NALF1: variants seen among roughly 807,000 people sequenced by gnomAD.
NALF1 encodes NALCN channel auxiliary factor 1, also known as family with sequence similarity 155 member A.
NALF1 carries 3 observed loss-of-function variants against 48.4 expected under a neutral mutation model. The observed-to-expected ratio is 0.06, with a 90% CI of 0.03 to 0.16. The LOEUF (loss-of-function observed/expected upper bound fraction) is 0.16, where lower values mean the gene tolerates loss of function less well. Among genes scored for constraint, NALF1 ranks in the 10% least tolerant of loss-of-function variants. The pLI, the probability that NALF1 is intolerant of heterozygous loss-of-function variation, is 1.00. For missense variants in NALF1, 526 were observed against 571.5 expected (o/e 0.92, Z 0.81); for synonymous variants, 262 against 245.7 (o/e 1.07, Z -0.62).
intron 1 of NALF1, among the ~76,000 whole-genome samples, chr13:107,458,953 T>C (rs9520450): frequency 0.54 from 81,806 of 151,612 alleles, 25,246 homozygotes; most frequent in Middle Eastern, 0.73. Flanking sequence ...AGTAAGATCT[T>C]GCCTGAGAGA....
At chr13:107,431,370 T>G (rs1304212229) in intron 1 of NALF1, among the ~76,000 whole-genome samples, 1 of 152,122 alleles carries the variant, frequency 6.6e-6, no homozygotes, top group African/African-American at 2.4e-5. Flanking sequence ...TATTAATGGT[T>G]TCTCCTAAAC....
intron 1 of NALF1, among the ~76,000 whole-genome samples, chr13:107,546,680 C>T (rs1451450118): frequency 1.3e-5 from 2 of 152,088 alleles, no homozygotes; most frequent in Non-Finnish European, 2.9e-5. Context: ...AGCTTTCCAT[C>T]TATGCCTAAA....
At chr13:107,658,523 A>G (rs963692280) in intron 1 of NALF1, among the ~76,000 whole-genome samples, 6 of 152,174 alleles carry the variant, frequency 3.9e-5, no homozygotes, top group African/African-American at 1.2e-4. Context: ...TCTAAGCCAA[A>G]TGAATTGGTC....
At chr13:107,772,452 TC>T in intron 1 of NALF1, among the ~76,000 whole-genome samples, 1 of 152,284 alleles carries the variant, frequency 6.6e-6, no homozygotes, top group Non-Finnish European at 1.5e-5. Context: ...CAAAATCTTG[TC>T]CTGGCACAAA....
chr13:107,360,741 T>C (rs2138954513), intron 1 of NALF1, among the ~76,000 whole-genome samples: 1 of 152,318 alleles, frequency 6.6e-6, no homozygotes, highest in South Asian at 2.1e-4. Context: ...TGTAATCAAA[T>C]TGCCTTTATC....
chr13:107,413,583 T>C (rs1884031568), intron 1 of NALF1, among the ~76,000 whole-genome samples: 1 of 152,130 alleles, frequency 6.6e-6, no homozygotes, highest in African/African-American at 2.4e-5. Context: ...TGTTTGTTGG[T>C]CACTTATTTT....
At chr13:107,841,440 T>G (rs1425635435) in intron 1 of NALF1, among the ~76,000 whole-genome samples, 1 of 152,102 alleles carries the variant, frequency 6.6e-6, no homozygotes, top group Non-Finnish European at 1.5e-5. Context: ...TATTTTGCTT[T>G]AAGTAGAAAA....
At chr13:107,840,910 A>G (rs1880027257) in intron 1 of NALF1, among the ~76,000 whole-genome samples, 1 of 152,140 alleles carries the variant, frequency 6.6e-6, no homozygotes, top group Non-Finnish European at 1.5e-5. Context: ...TTGATTTAAA[A>G]GCTACTTCCT....
chr13:107,178,489 C>G (rs1878987292), intron 2 of NALF1, among the ~76,000 whole-genome samples: 1 of 152,138 alleles, frequency 6.6e-6, no homozygotes, highest in South Asian at 2.1e-4. Context: ...AAATGCAAAT[C>G]AAAGCTACAA....
intron 1 of NALF1, among the ~76,000 whole-genome samples, chr13:107,612,272 A>T (rs966822220): frequency 2.8e-4 from 43 of 151,452 alleles, no homozygotes; most frequent in African/African-American, 9.2e-4. Context: ...GGGGAAGAGG[A>T]AAAAAGCAGG....
At position 107,784,108 on chromosome 13, in the gene NALF1, G is replaced by T. The variant is rs1183428498; in HGVS notation, c.915+81574C>A. ...GTATTTTAGATGCCAAGCTGCATGGGATTTCAGGAACACTTGTACACAATA... is the reference window on the plus strand; with the variant it reads ...GTATTTTAGATGCCAAGCTGCATGGTATTTCAGGAACACTTGTACACAATA... On this transcript the variant is annotated intron_variant, in intron 1 of 2. Coordinates refer to ENST00000375915, the MANE Select transcript of NALF1 (RefSeq NM_001080396.3). Among the ~76,000 whole-genome samples the T allele has an allele frequency of 5.9e-5, 9 of 152,262 alleles. No homozygotes were observed. The East Asian group carries it at 1.5e-3, about 26-fold the overall frequency.
chr13:107,680,903 T>C (rs1208772597), intron 1 of NALF1, among the ~76,000 whole-genome samples: 1 of 148,632 alleles, frequency 6.7e-6, no homozygotes, highest in African/African-American at 2.5e-5. Context: ...AGAGGGTGAG[T>C]GGTGTGAGAG....
chr13:107,463,587 G>C (rs1397036005), intron 1 of NALF1, among the ~76,000 whole-genome samples: 1 of 152,146 alleles, frequency 6.6e-6, no homozygotes, highest in Non-Finnish European at 1.5e-5. Context: ...AGAAGCATGA[G>C]AGTGAAAGAT....
chr13:107,829,696 C>T (rs987788670), intron 1 of NALF1, among the ~76,000 whole-genome samples: 1 of 130,256 alleles, frequency 7.7e-6, no homozygotes, highest in Non-Finnish European at 1.7e-5. Context: ...TGAGTTTACT[C>T]GTGTCTGAAA....
Position 107,164,739 on chromosome 13 carries a change from T to G in NALF1, c.*5758A>C, listed in dbSNP as rs936362619. 3 of 152,122 alleles carry G rather than the reference T, an allele frequency of 2.0e-5. No homozygotes were observed. The East Asian group carries it at 5.8e-4, about 29-fold the overall frequency. The allele number at this position is 152,122 out of a possible 1,614,324, so 9.4% of individuals were successfully genotyped here. On this transcript the variant is annotated 3_prime_UTR_variant, in exon 3 of 3. Coordinates refer to ENST00000375915, the MANE Select transcript of NALF1 (RefSeq NM_001080396.3). ...GTAATATATGTTAAGACTTTCAAAC[T>G]GTATTGAAAATCTATTGATGGTCAG...
In NALF1 at chr13:107,209,557, T is replaced by C. The variant is rs1468350337; in HGVS notation, c.1087+1027A>G. 2.0e-5 allele frequency among the ~76,000 whole-genome samples: 3 copies of C among 151,984 alleles called. No homozygotes were observed. In the East Asian group the frequency reaches 5.8e-4, roughly 29 times the overall value. On this transcript the variant is annotated intron_variant, in intron 2 of 2. Transcript: ENST00000375915. ...TCTTAGGGCGAGCTTTGGCAGACTA[T>C]CTCTTGATAGCTTATCACTTAGAAC...
At chr13:107,556,235 T>C (rs1221070494) in intron 1 of NALF1, among the ~76,000 whole-genome samples, 1 of 150,910 alleles carries the variant, frequency 6.6e-6, no homozygotes, top group East Asian at 1.9e-4. Context: ...CTTTTGCTTA[T>C]CTTCAGAGAT....
intron 1 of NALF1, among the ~76,000 whole-genome samples, chr13:107,309,863 T>C (rs937982564): frequency 6.6e-6 from 1 of 152,226 alleles, no homozygotes; most frequent in Non-Finnish European, 1.5e-5. Flanking sequence ...TGTTTTCTTT[T>C]AAATAATTTT....
intron 2 of NALF1, among the ~76,000 whole-genome samples, chr13:107,203,711 G>T (rs182080032): frequency 2.6e-4 from 40 of 152,294 alleles, no homozygotes; most frequent in Non-Finnish European, 7.3e-5. Flanking sequence ...CTGAAGCACA[G>T]ACACTTCTCA....
Sources: gnomAD v4.1 joint callset for allele counts (sites outside exome capture counted in the v4.1 genomes callset) on GRCh38, gnomAD v4.1.1 for gene constraint, MANE v1.5 for transcripts, NCBI Gene and HGNC (gene_info 2026-07-23, HGNC 2026-07-21) for gene names.